LIPC: variants seen among roughly 807,000 people sequenced by gnomAD.
LIPC encodes lipase C, hepatic type.
LIPC carries 44 observed loss-of-function variants against 50.7 expected under a neutral mutation model. The ratio of observed to expected loss-of-function variants is 0.87; its 90% CI spans 0.68 to 1.11. The LOEUF (loss-of-function observed/expected upper bound fraction) is 1.11, where lower values mean the gene tolerates loss of function less well. LIPC is among the 50% of genes most tolerant of loss of function. The pLI, the probability that LIPC is intolerant of heterozygous loss-of-function variation, is 0.00. For synonymous variants in LIPC, 271 were observed against 256.4 expected, an observed-to-expected ratio of 1.06 and a Z score of -0.54; for missense variants, 697 against 648.2, an observed-to-expected ratio of 1.08 and a Z score of -0.82.
chr15:58,566,245 G>C, intron 8 of LIPC: 1 of 985,430 alleles, frequency 1.0e-6, no homozygotes, highest in South Asian at 4.7e-5. Flanking sequence ...ACTTGGGGCT[G>C]TGCTGCAACA....
chr15:58,565,378 G>A, intron 8 of LIPC: 1 of 1,505,496 alleles, frequency 6.6e-7, no homozygotes, highest in Non-Finnish European at 8.8e-7. Context: ...GACCTGAAAG[G>A]GTGGCTAAAG....
chr15:58,459,924 C>T lies in LIPC; in HGVS notation c.88+27804C>T, dbSNP rs867991811. On this transcript the variant is annotated intron_variant, in intron 1 of 8. Transcript: ENST00000299022. ...CGTTGCTATGAGATCAGAACGGTAG[C>T]CAGTTGGTGGGTGCAGCAGGCTCAC... Among the ~76,000 whole-genome samples, 10 of 152,346 alleles carry T rather than the reference C, an allele frequency of 6.6e-5. 1 individual carries two copies. Among genetic ancestry groups the T allele is most frequent in the South Asian group, 6.2e-4 (3 of 4,830 alleles).
At chr15:58,488,647 G>T (rs1891460889) in intron 1 of LIPC, among the ~76,000 whole-genome samples, 1 of 152,212 alleles carries the variant, frequency 6.6e-6, no homozygotes, top group African/African-American at 2.4e-5. Flanking sequence ...CCCAGGCATG[G>T]GGCATTCAGC....
At chr15:58,512,918 G>A (rs529350954) in intron 1 of LIPC, among the ~76,000 whole-genome samples, 8 of 150,154 alleles carry the variant, frequency 5.3e-5, no homozygotes, top group Non-Finnish European at 1.2e-4. Flanking sequence ...CAAGACCTCC[G>A]CCTTTCATCT....
In LIPC at chr15:58,475,739, G is replaced by A. The variant is rs1890973518; in HGVS notation, c.88+43619G>A. Reference sequence around the variant, plus strand: ...TGGATTTGCAACAAAGGGAGCCACTGAGAGATTACATGAGCCAAGTCATGG... The same window carrying A: ...TGGATTTGCAACAAAGGGAGCCACTAAGAGATTACATGAGCCAAGTCATGG... On this transcript the variant is annotated intron_variant, in intron 1 of 8. Transcript: ENST00000299022. 1.3e-5 allele frequency among the ~76,000 whole-genome samples: 2 copies of A among 152,248 alleles called. 1 individual carries two copies. Among genetic ancestry groups the A allele is most frequent in the South Asian group, 4.1e-4 (2 of 4,834 alleles).
At chr15:58,512,988 A>G (rs1892377986) in intron 1 of LIPC, among the ~76,000 whole-genome samples, 1 of 152,136 alleles carries the variant, frequency 6.6e-6, no homozygotes, top group South Asian at 2.1e-4. Flanking sequence ...AAAAGTACAT[A>G]GAAAAGGAGA....
intron 6 of LIPC, among the ~76,000 whole-genome samples, chr15:58,559,528 G>T (rs1371269295): frequency 6.6e-6 from 1 of 152,158 alleles, no homozygotes; most frequent in Non-Finnish European, 1.5e-5. Flanking sequence ...GATCCAGGCA[G>T]TTCTTATCAA....
intron 1 of LIPC, among the ~76,000 whole-genome samples, chr15:58,449,527 G>A (rs1422490400): frequency 6.6e-6 from 1 of 151,894 alleles, no homozygotes; most frequent in Admixed American, 6.6e-5. Flanking sequence ...GCAGGTTGCT[G>A]GGAGGAATGG....
At chr15:58,460,031 G>A (rs1239384108) in intron 1 of LIPC, among the ~76,000 whole-genome samples, 1 of 152,234 alleles carries the variant, frequency 6.6e-6, no homozygotes, top group Non-Finnish European at 1.5e-5. Context: ...CAAAGGGAAG[G>A]CTGTATGGGT....
Position 58,540,109 on chromosome 15 carries a change from T to C in LIPC, c.273+1592T>C, listed in dbSNP as rs550728880. Among the ~76,000 whole-genome samples, 19 of 152,378 alleles carry C rather than the reference T, an allele frequency of 1.2e-4. 1 individual carries two copies. The South Asian group carries it at 2.7e-3, about 22-fold the overall frequency. On this transcript the variant is annotated intron_variant, in intron 2 of 8. Transcript: ENST00000299022. The stretch of plus-strand genomic sequence containing the variant: ...GACTACTGTGGGCCACTATCCATTA[T>C]GTAATCAGTGCTCCAAAATGTTTGT...
intron 8 of LIPC, chr15:58,565,982 T>C: frequency 2.0e-6 from 2 of 978,520 alleles, no homozygotes; most frequent in Non-Finnish European, 2.4e-6. Context: ...ACCAGGAAAA[T>C]AAGATGAATT....
At chr15:58,461,259 C>T (rs1485818314) in intron 1 of LIPC, among the ~76,000 whole-genome samples, 3 of 152,238 alleles carry the variant, frequency 2.0e-5, no homozygotes, top group African/African-American at 7.2e-5. Context: ...ACTACCAATC[C>T]TCACAGCAGC....
intron 3 of LIPC, 127 bp downstream of exon 3, chr15:58,542,094 A>T: frequency 8.9e-7 from 1 of 1,129,074 alleles, no homozygotes; most frequent in Non-Finnish European, 1.3e-6. Context: ...GCTCACAGGA[A>T]TGAGAAGGCA....
intron 1 of LIPC, among the ~76,000 whole-genome samples, chr15:58,451,212 T>C (rs796506069): frequency 1.2e-4 from 18 of 152,162 alleles, no homozygotes; most frequent in African/African-American, 4.1e-4. Context: ...GAGTGACAGG[T>C]AGAGCAGTGG....
At chr15:58,561,979 G>A (rs1595956883) in intron 7 of LIPC, among the ~76,000 whole-genome samples, 1 of 152,134 alleles carries the variant, frequency 6.6e-6, no homozygotes, top group African/African-American at 2.4e-5. Context: ...GTTTACATGG[G>A]CTTGAGCATT....
Position 58,560,852 on chromosome 15 carries a change from C to G in LIPC, c.1052-12C>G, listed in dbSNP as rs1566952232. ...ATTATCTCTCTCTTTCTCTCTCTGT[C>G]TCTCTCTCTAGTTTATCATTACCAG... On this transcript the variant is annotated splice_polypyrimidine_tract_variant and intron_variant, in intron 6 of 8. Coordinates refer to ENST00000299022, the MANE Select transcript of LIPC (RefSeq NM_000236.3). The G allele has an allele frequency of 1.1e-6, 1 of 924,512 alleles. No individual in the cohort carries two copies. The highest frequency in any genetic ancestry group is 1.8e-6 in the Non-Finnish European group (1 of 549,938). 57.3% of individuals were successfully genotyped at this position (924,512 alleles called of 1,614,324 possible).
At chr15:58,528,088 C>T (rs1595922081) in intron 1 of LIPC, among the ~76,000 whole-genome samples, 2 of 148,962 alleles carry the variant, frequency 1.3e-5, no homozygotes, top group Admixed American at 6.8e-5. Flanking sequence ...TGCAGTGAGC[C>T]GAGACCACCC....
At chr15:58,441,069 A>G (rs1313177744) in intron 1 of LIPC, among the ~76,000 whole-genome samples, 1 of 152,178 alleles carries the variant, frequency 6.6e-6, no homozygotes, top group Non-Finnish European at 1.5e-5. Flanking sequence ...AGCCTGGCTA[A>G]AACCCTGGCC....
At chr15:58,555,010 C>G (rs1893886114) in intron 6 of LIPC, among the ~76,000 whole-genome samples, 1 of 152,178 alleles carries the variant, frequency 6.6e-6, no homozygotes. Context: ...ACAGCCCACA[C>G]ACCTTGGCAC....
Sources: allele counts gnomAD v4.1 joint callset (sites outside exome capture counted in the v4.1 genomes callset), GRCh38; gene constraint gnomAD v4.1.1; transcripts MANE v1.5; gene names NCBI Gene and HGNC (gene_info 2026-07-23, HGNC 2026-07-21).